Variants in ANKRD44 observed in about 807,000 individuals in gnomAD.
ANKRD44 encodes serine/threonine-protein phosphatase 6 regulatory ankyrin repeat subunit B.
Under a neutral mutation model 116.0 loss-of-function variants are expected in ANKRD44, and 35 were observed. The observed-to-expected ratio is 0.30, with a 90% CI of 0.23 to 0.40. ANKRD44 has a LOEUF of 0.40. Ranked by LOEUF, ANKRD44 falls within the 10% of genes least tolerant of loss-of-function variation. The probability of loss-of-function intolerance (pLI) is 1.00; values close to 1 mark genes in which losing one functional copy is unlikely to be tolerated. For synonymous variants in ANKRD44, 435 were observed against 461.8 expected (o/e 0.94, Z 0.74); for missense variants, 1,014 against 1,242.6 (o/e 0.82, Z 2.77).
chr2:197,144,087 A>G (rs1434646133), intron 3 of ANKRD44, among the ~76,000 whole-genome samples: 4 of 152,188 alleles, frequency 2.6e-5, no homozygotes, highest in African/African-American at 4.8e-5. Context: ...GTCAGGAGGG[A>G]AATAAAGCCA....
At chr2:197,016,818 A>AT (rs1464334379) in intron 17 of ANKRD44, among the ~76,000 whole-genome samples, 2 of 152,082 alleles carry the variant, frequency 1.3e-5, no homozygotes, top group Non-Finnish European at 2.9e-5. Context: ...CGCACTTTTT[A>AT]TTTTTTTACT....
rs2082557438 is a variant in ANKRD44, at chr2:197,260,112, T to TC, written c.27+50465_27+50466insG. ...TTTTATTATTATTATACTTTAAGTTTTAGGGTACATGTGCACAACGTGCAG... is the reference window on the plus strand; with the variant it reads ...TTTTATTATTATTATACTTTAAGTTTCTAGGGTACATGTGCACAACGTGCAG... On this transcript the variant is annotated intron_variant, in intron 1 of 27. Coordinates refer to ENST00000282272, the MANE Select transcript of ANKRD44 (RefSeq NM_001195144.2). Among the ~76,000 whole-genome samples the TC allele has an allele frequency of 2.6e-5, 4 of 152,306 alleles. No individual in the cohort carries two copies. The South Asian group carries it at 8.3e-4, about 32-fold the overall frequency.
chr2:196,993,561 G>T, intron 27 of ANKRD44, 22 bp downstream of exon 27: 1 of 1,535,904 alleles, frequency 6.5e-7, no homozygotes, highest in Non-Finnish European at 8.8e-7. Flanking sequence ...ACCTGCAGTC[G>T]CTGTTGACTT....
chr2:197,241,583 T>A (rs1323111636), intron 1 of ANKRD44, among the ~76,000 whole-genome samples: 1 of 152,224 alleles, frequency 6.6e-6, no homozygotes, highest in Non-Finnish European at 1.5e-5. Flanking sequence ...TATAATGAAC[T>A]TGTATTGCTT....
chr2:197,028,513 G>T (rs922868747), intron 16 of ANKRD44, among the ~76,000 whole-genome samples: 5 of 152,176 alleles, frequency 3.3e-5, no homozygotes, highest in Non-Finnish European at 7.4e-5. Flanking sequence ...GGCTTGGGCT[G>T]CCCTACATTA....
In ANKRD44 at chr2:197,077,162, G is replaced by A. The variant is rs573517774; in HGVS notation, c.1650+1541C>T. Reference sequence around the variant, plus strand: ...TTCCCTCTTCTCCACAACCTGGCCAGCATCTGTTATTTTTTGACTTTTTAT... The same window carrying A: ...TTCCCTCTTCTCCACAACCTGGCCAACATCTGTTATTTTTTGACTTTTTAT... On this transcript the variant is annotated intron_variant, in intron 16 of 27. Transcript: ENST00000282272. Among the ~76,000 whole-genome samples, 43 of 152,238 alleles carry A rather than the reference G, an allele frequency of 2.8e-4. No homozygotes were observed. In the South Asian group the frequency reaches 8.7e-3, roughly 31 times the overall value.
At chr2:197,052,284 C>T (rs1275817980) in intron 16 of ANKRD44, among the ~76,000 whole-genome samples, 1 of 152,150 alleles carries the variant, frequency 6.6e-6, no homozygotes, top group Non-Finnish European at 1.5e-5. Flanking sequence ...TTAACCAAAC[C>T]ATCTAAATAA....
intron 2 of ANKRD44, among the ~76,000 whole-genome samples, chr2:197,157,234 A>G (rs1255185272): frequency 6.6e-6 from 1 of 152,260 alleles, no homozygotes; most frequent in Non-Finnish European, 1.5e-5. Context: ...TATTCAGTTA[A>G]TAGAAGAAAA....
At chr2:197,230,502 G>T (rs1223775247) in intron 1 of ANKRD44, among the ~76,000 whole-genome samples, 1 of 152,140 alleles carries the variant, frequency 6.6e-6, no homozygotes, top group African/African-American at 2.4e-5. Flanking sequence ...CACAGGAACT[G>T]CCTATGATGG....
At chr2:197,149,231 C>A (rs988936708) in intron 2 of ANKRD44, among the ~76,000 whole-genome samples, 1 of 152,188 alleles carries the variant, frequency 6.6e-6, no homozygotes, top group Non-Finnish European at 1.5e-5. Flanking sequence ...TAAACAGGGA[C>A]TATTCCAACC....
intron 9 of ANKRD44, among the ~76,000 whole-genome samples, chr2:197,100,895 G>C (rs962849648): frequency 2.7e-5 from 4 of 150,322 alleles, no homozygotes; most frequent in African/African-American, 9.8e-5. Context: ...TCCCTTTTTC[G>C]TGTGTGTGTA....
At chr2:197,088,850 T>C (rs759543560) in intron 11 of ANKRD44, 76 bp from the exon 12 acceptor site, 4 of 1,476,110 alleles carry the variant, frequency 2.7e-6, no homozygotes, top group Admixed American at 2.0e-5. Context: ...ACAAGAAACA[T>C]TGCAGAGACA....
At chr2:196,990,512 A>C (rs1353635373) in intron 27 of ANKRD44, 1 of 1,227,702 alleles carries the variant, frequency 8.1e-7, no homozygotes, top group Non-Finnish European at 1.0e-6. Flanking sequence ...CATCTGTGTG[A>C]CTGTTCCACC....
At chr2:196,989,779 CA>C in intron 27 of ANKRD44, 130 bp from the exon 28 acceptor site, 2 of 1,475,092 alleles carry the variant, frequency 1.4e-6, no homozygotes, top group South Asian at 1.3e-5. Flanking sequence ...TTTTTGCAGT[CA>C]CACTTTTCAC....
chr2:197,143,701 C>T (rs551386431), intron 3 of ANKRD44, among the ~76,000 whole-genome samples: 4 of 152,266 alleles, frequency 2.6e-5, no homozygotes, highest in African/African-American at 9.6e-5. Flanking sequence ...GCGATCTCAG[C>T]TCACTGCAAC....
At chr2:197,078,449 T>C in intron 16 of ANKRD44, 1 of 981,682 alleles carries the variant, frequency 1.0e-6, no homozygotes, top group Non-Finnish European at 1.4e-6. Context: ...GGTACTGCCT[T>C]ATATCGATGA....
At chr2:197,148,037 T>G (rs1212071145) in intron 2 of ANKRD44, 1 of 295,612 alleles carries the variant, frequency 3.4e-6, no homozygotes, top group Non-Finnish European at 6.9e-6. Flanking sequence ...AAAGGCAGCA[T>G]GGTAACATGC....
chr2:197,229,978 A>G (rs771826074), intron 1 of ANKRD44, among the ~76,000 whole-genome samples: 9 of 152,134 alleles, frequency 5.9e-5, no homozygotes, highest in Non-Finnish European at 2.9e-5. Flanking sequence ...GAAAATCACA[A>G]CGCACCCAGA....
At chr2:197,187,158 C>G in intron 1 of ANKRD44, 52 bp from the exon 2 acceptor site, 1 of 1,482,330 alleles carries the variant, frequency 6.7e-7, no homozygotes, top group Non-Finnish European at 9.4e-7. Flanking sequence ...CATCTGATCA[C>G]ATACAGATGC....
Sources: gnomAD v4.1 joint callset for allele counts (sites outside exome capture counted in the v4.1 genomes callset) on GRCh38, gnomAD v4.1.1 for gene constraint, MANE v1.5 for transcripts, NCBI Gene and HGNC (gene_info 2026-07-23, HGNC 2026-07-21) for gene names.